TRIM2: variants seen among roughly 807,000 people sequenced by gnomAD.
TRIM2 encodes the protein tripartite motif containing 2.
TRIM2 carries 20 observed loss-of-function variants against 75.2 expected under a neutral mutation model. That is an observed-to-expected ratio of 0.27 (90% CI 0.19 to 0.39). The LOEUF (loss-of-function observed/expected upper bound fraction) is 0.39, where lower values mean the gene tolerates loss of function less well. Ranked by LOEUF, TRIM2 falls within the 10% of genes least tolerant of loss-of-function variation. TRIM2 has a pLI of 1.00. For synonymous variants in TRIM2, 373 were observed against 388.3 expected (o/e 0.96, Z 0.46); for missense variants, 660 against 990.8 (o/e 0.67, Z 4.48).
chr4:153,325,575 C>T (rs921566473), intron 10 of TRIM2, among the ~76,000 whole-genome samples: 10 of 152,216 alleles, frequency 6.6e-5, no homozygotes, highest in Non-Finnish European at 1.3e-4. Context: ...ATGAGCACAA[C>T]TGTCAAAGGA....
At chr4:153,267,583 G>A (rs1263200224) in intron 1 of TRIM2, among the ~76,000 whole-genome samples, 4 of 152,166 alleles carry the variant, frequency 2.6e-5, no homozygotes, top group African/African-American at 4.8e-5. Flanking sequence ...TCCGGGAGGC[G>A]GAGCTTGCAG....
Position 153,295,110 on chromosome 4 carries a change from C to T in TRIM2, c.787-203C>T, listed in dbSNP as rs538193598. Among the ~76,000 whole-genome samples, 3 of 152,168 alleles carry T rather than the reference C, an allele frequency of 2.0e-5. No homozygotes were observed. Among genetic ancestry groups the T allele is most frequent in the South Asian group, 4.1e-4 (2 of 4,828 alleles). The stretch of plus-strand genomic sequence containing the variant: ...TACATGTGTGGAAGAGAGGGCGAGG[C>T]GGAAGGGAAACCTCGAAAAGGTACT... On this transcript the variant is annotated intron_variant, in intron 5 of 11. Transcript: ENST00000338700. The surrounding 1 kb of genome is among the most constrained non-coding windows in gnomAD (Gnocchi z 7.2).
chr4:153,166,154 C>CT lies in TRIM2; in HGVS notation c.-49+12892dup, dbSNP rs1239492011. Among the ~76,000 whole-genome samples, 4 of 151,898 alleles carry CT rather than the reference C, an allele frequency of 2.6e-5. No individual in the cohort carries two copies. The East Asian group carries it at 5.8e-4, about 22-fold the overall frequency. Reference sequence around the variant, plus strand: ...TGTTCTTATTTCACGGATGCAATAGCTTTTTTTTGCTCTGAAGATACTAAA... The same window carrying CT: ...TGTTCTTATTTCACGGATGCAATAGCTTTTTTTTTGCTCTGAAGATACTAAA... On this transcript the variant is annotated intron_variant, in intron 1 of 11. Coordinates refer to the TRIM2 transcript ENST00000437508.
chr4:153,215,575 G>C (rs780361531), intron 1 of TRIM2, among the ~76,000 whole-genome samples: 1 of 151,960 alleles, frequency 6.6e-6, no homozygotes, highest in African/African-American at 2.4e-5. Flanking sequence ...TGTTCTGGAT[G>C]GTGTTTTTAC....
At chr4:153,203,914 T>TAAATA (rs1167331253), upstream of TRIM2, among the ~76,000 whole-genome samples, 2 of 151,886 alleles carry the variant, frequency 1.3e-5, no homozygotes, top group Non-Finnish European at 2.9e-5. Context: ...AATAAATAAA[T>TAAATA]AAATAAAATA....
At chr4:153,223,762 C>T (rs569149059) in intron 1 of TRIM2, among the ~76,000 whole-genome samples, 1 of 152,286 alleles carries the variant, frequency 6.6e-6, no homozygotes, top group African/African-American at 2.4e-5. Context: ...GGCCCCTTTG[C>T]TTTCCCGGGA....
intron 1 of TRIM2, among the ~76,000 whole-genome samples, chr4:153,239,950 T>C (rs1286475178): frequency 6.6e-6 from 1 of 151,586 alleles, no homozygotes; most frequent in Admixed American, 6.6e-5. Flanking sequence ...TTCTCCTGTC[T>C]CAGCCTCCCG....
chr4:153,173,017 A>G (rs1434418785), intron 1 of TRIM2, among the ~76,000 whole-genome samples: 1 of 152,110 alleles, frequency 6.6e-6, no homozygotes, highest in Non-Finnish European at 1.5e-5. Flanking sequence ...TCATGTTATC[A>G]CCCCTGATTT....
intron 8 of TRIM2, among the ~76,000 whole-genome samples, chr4:153,318,616 A>G (rs1387292772): frequency 6.6e-6 from 1 of 152,206 alleles, no homozygotes; most frequent in East Asian, 1.9e-4. Context: ...TATATCTTGA[A>G]TATCTTGAAA....
intron 1 of TRIM2, among the ~76,000 whole-genome samples, chr4:153,221,259 T>C (rs1409166899): frequency 6.6e-6 from 1 of 152,154 alleles, no homozygotes; most frequent in East Asian, 1.9e-4. Context: ...CCACACATAT[T>C]ATATGATTTC....
intron 1 of TRIM2, among the ~76,000 whole-genome samples, chr4:153,215,988 G>A (rs1205927514): frequency 6.6e-6 from 1 of 152,076 alleles, no homozygotes; most frequent in Non-Finnish European, 1.5e-5. Context: ...TGCAAATGAG[G>A]TTTTTAGCTG....
intron 1 of TRIM2, among the ~76,000 whole-genome samples, chr4:153,178,048 C>A (rs765577394): frequency 1.3e-5 from 2 of 152,148 alleles, no homozygotes; most frequent in Non-Finnish European, 2.9e-5. Context: ...GCAATCTGCA[C>A]ACCTCGGCCT....
intron 1 of TRIM2, among the ~76,000 whole-genome samples, chr4:153,167,777 G>C (rs186213713): frequency 3.9e-5 from 6 of 152,288 alleles, no homozygotes; most frequent in Admixed American, 2.6e-4. Context: ...GCAGACTTAG[G>C]TCAAACCTTC....
intron 3 of TRIM2, among the ~76,000 whole-genome samples, chr4:153,281,659 A>T (rs1759364842): frequency 6.6e-6 from 1 of 152,252 alleles, no homozygotes; most frequent in African/African-American, 2.4e-5. Context: ...CCACTGTCTG[A>T]TGCTGATTGG....
chr4:153,218,129 T>C lies in TRIM2; in HGVS notation c.30+13569T>C, dbSNP rs566247356. 3.9e-5 allele frequency among the ~76,000 whole-genome samples: 6 copies of C among 152,338 alleles called. No homozygotes were observed. In the South Asian group the frequency reaches 1.2e-3, roughly 32 times the overall value. On this transcript the variant is annotated intron_variant, in intron 1 of 11. Coordinates refer to ENST00000338700, the MANE Select transcript of TRIM2 (RefSeq NM_015271.5). ...AAAAAATAGAGACTATAAATGGTAA[T>C]ATAATTTATTCACCTATTCAATTGT...
At position 153,221,859 on chromosome 4, in the gene TRIM2, A is replaced by AGAGAGGAAAGAAGG. The variant is rs1447969513; in HGVS notation, c.30+17304_30+17305insGAAAGAAGGGAGAG. 1.4e-3 allele frequency among the ~76,000 whole-genome samples: 137 copies of AGAGAGGAAAGAAGG among 97,296 alleles called. 4 individuals carry two copies. In the South Asian group the frequency reaches 0.018, roughly 12 times the overall value. The allele number at this position is 97,296 out of a possible 152,430, so 63.8% of individuals were successfully genotyped here. On this transcript the variant is annotated intron_variant, in intron 1 of 11. Coordinates refer to ENST00000338700, the MANE Select transcript of TRIM2 (RefSeq NM_015271.5). ...AGGAAGGAAAGCGCGAGGAAAGAAG[A>AGAGAGGAAAGAAGG]GAGAGAGGAAGGAAGGGAAGGAGGA... is the stretch of plus-strand genomic sequence containing the variant.
At chr4:153,324,270 T>G in intron 10 of TRIM2, 122 bp downstream of exon 10, 1 of 749,982 alleles carries the variant, frequency 1.3e-6, no homozygotes, top group Non-Finnish European at 2.1e-6. Flanking sequence ...GAGTAGACTT[T>G]GTTCTGCTCA....
intron 5 of TRIM2, among the ~76,000 whole-genome samples, chr4:153,294,879 A>G (rs1762471697): frequency 6.6e-6 from 1 of 152,192 alleles, no homozygotes; most frequent in East Asian, 1.9e-4. Context: ...TCTGTTCACA[A>G]AACAGGGATG....
At chr4:153,218,472 A>G (rs1475138821) in intron 1 of TRIM2, among the ~76,000 whole-genome samples, 1 of 152,184 alleles carries the variant, frequency 6.6e-6, no homozygotes, top group East Asian at 1.9e-4. Flanking sequence ...GGTCTCCCAA[A>G]GTGCTGGGAT....
Sources: allele counts gnomAD v4.1 joint callset (sites outside exome capture counted in the v4.1 genomes callset), GRCh38; gene constraint gnomAD v4.1.1; non-coding constraint Gnocchi (gnomAD v3.1); transcripts MANE v1.5; gene names NCBI Gene and HGNC (gene_info 2026-07-23, HGNC 2026-07-21).